Variants in TNC observed in about 807,000 individuals in gnomAD.
TNC encodes tenascin.
In TNC, 109 loss-of-function variants were observed where a neutral mutation model predicts 202.4. The observed-to-expected ratio is 0.54, with a 90% CI of 0.46 to 0.63. The LOEUF is 0.63. Ranked by LOEUF, TNC falls within the 30% of genes least tolerant of loss-of-function variation. The pLI is 0.00. For missense variants in TNC, 2,756 were observed against 2,833.3 expected, an observed-to-expected ratio of 0.97 and a Z score of 0.62; for synonymous variants, 1,007 against 1,089.7, an observed-to-expected ratio of 0.92 and a Z score of 1.50.
chr9:115,068,446 C>T (rs1006782715), intron 10 of TNC, among the ~76,000 whole-genome samples: 6 of 152,184 alleles, frequency 3.9e-5, no homozygotes, highest in African/African-American at 1.4e-4. Flanking sequence ...CTCACTTCAG[C>T]GTCCACTTAG....
At chr9:115,084,925 CAA>C (rs1456426764) in intron 3 of TNC, among the ~76,000 whole-genome samples, 1 of 152,178 alleles carries the variant, frequency 6.6e-6, no homozygotes, top group Admixed American at 6.5e-5. Flanking sequence ...CTCACCTCAT[CAA>C]GTTTAGAACT....
At chr9:115,036,538 A>T (rs1444510710) in intron 20 of TNC, among the ~76,000 whole-genome samples, 3 of 152,148 alleles carry the variant, frequency 2.0e-5, no homozygotes, top group Non-Finnish European at 4.4e-5. Flanking sequence ...TCGCTTTGCC[A>T]CTGAGACCGA....
chr9:115,069,094 T>A (rs1363990224), intron 10 of TNC, among the ~76,000 whole-genome samples: 1 of 152,242 alleles, frequency 6.6e-6, no homozygotes, highest in Non-Finnish European at 1.5e-5. Flanking sequence ...ATTTGCTGGA[T>A]GAATAAATAT....
chr9:115,102,951 C>G (rs1262714843), intron 1 of TNC, among the ~76,000 whole-genome samples: 1 of 152,236 alleles, frequency 6.6e-6, no homozygotes, highest in Admixed American at 6.5e-5. Context: ...AACAAATACT[C>G]TTACTTTCCT....
rs1391099311 is a variant in TNC, at chr9:115,062,929, C to T, written c.4021G>A (p.Glu1341Lys). ...GAGGGTCATATACCTGTGACGACCTCTACAGCAAGGGGTCGAGTGCTGTGG... is the reference window on the plus strand; with the variant it reads ...GAGGGTCATATACCTGTGACGACCTTTACAGCAAGGGGTCGAGTGCTGTGG... The part of the protein sequence containing the change: ...RGHSTRPLAV[E>K]VVTEDLPQLG... The change falls in exon 13 of 28, where the codon GAG (glutamate) becomes AAG (lysine). Residue 1341 changes from glutamate (E) to lysine (K), a missense_variant. Physicochemically the swap from Glu to Lys is moderately conservative, Grantham distance 56. Coordinates refer to ENST00000350763, the MANE Select transcript of TNC (RefSeq NM_002160.4). 6.2e-7 allele frequency: 1 copy of T among 1,613,606 alleles called. No homozygotes were observed.
At chr9:115,084,737 T>A (rs1834580570) in intron 3 of TNC, among the ~76,000 whole-genome samples, 1 of 152,174 alleles carries the variant, frequency 6.6e-6, no homozygotes, top group Non-Finnish European at 1.5e-5. Context: ...CTTTCTGTGC[T>A]TCCTGGGTCT....
At chr9:115,047,067 T>C (rs1171354193) in intron 16 of TNC, among the ~76,000 whole-genome samples, 1 of 152,150 alleles carries the variant, frequency 6.6e-6, no homozygotes, top group Non-Finnish European at 1.5e-5. Flanking sequence ...GCAAGACCTT[T>C]TTCTTTTCTT....
Position 115,059,597 on chromosome 9 carries a change from G to A in TNC, c.4306+133C>T, listed in dbSNP as rs533028439. ...AGTCATAGCCCACAGGGAGGTCTCT[G>A]AGCATGCACAGCCGGCCACTGAAAG... On this transcript the variant is annotated intron_variant, in intron 14 of 27. Transcript: ENST00000350763. The A allele has an allele frequency of 2.4e-4, 222 of 940,736 alleles. 2 individuals are homozygous for A. The highest frequency in any genetic ancestry group is 2.6e-4 in the Non-Finnish European group (166 of 631,094). The allele number at this position is 940,736 out of a possible 1,614,324, so 58.3% of individuals were successfully genotyped here.
At chr9:115,072,730 C>T (rs748038132) in intron 10 of TNC, among the ~76,000 whole-genome samples, 14 of 152,060 alleles carry the variant, frequency 9.2e-5, no homozygotes, top group South Asian at 2.1e-4. Flanking sequence ...AATATCAGTA[C>T]GGTACAATGT....
chr9:115,048,858 A>G (rs2132191371), intron 15 of TNC, among the ~76,000 whole-genome samples: 1 of 152,174 alleles, frequency 6.6e-6, no homozygotes, highest in South Asian at 2.1e-4. Flanking sequence ...TCCAAAGGCC[A>G]TGTAGTTCTT....
At chr9:115,027,215 AT>A (rs1829571860) in intron 25 of TNC, among the ~76,000 whole-genome samples, 2 of 152,162 alleles carry the variant, frequency 1.3e-5, no homozygotes, top group South Asian at 4.2e-4. Context: ...TCGGGTTGAC[AT>A]TTTTGCCCCA....
At chr9:115,023,897 G>T in intron 27 of TNC, 76 bp downstream of exon 27, 5 of 1,501,604 alleles carry the variant, frequency 3.3e-6, no homozygotes, top group Non-Finnish European at 4.6e-6. Flanking sequence ...CTAGGATAGG[G>T]AGTTAAATTG....
At chr9:115,116,532 C>G (rs1052356634) in intron 1 of TNC, among the ~76,000 whole-genome samples, 3 of 152,124 alleles carry the variant, frequency 2.0e-5, no homozygotes, top group Admixed American at 2.0e-4. Context: ...TTCTAAAACA[C>G]ATATGGGAAA....
chr9:115,115,531 G>A (rs1837398298), intron 1 of TNC, among the ~76,000 whole-genome samples: 1 of 152,188 alleles, frequency 6.6e-6, no homozygotes, highest in African/African-American at 2.4e-5. Context: ...TCCCACAAAA[G>A]CCTACAGTTT....
chr9:115,035,165 T>A, intron 22 of TNC, 39 bp downstream of exon 22: 1 of 1,552,512 alleles, frequency 6.4e-7, no homozygotes, highest in Non-Finnish European at 8.7e-7. Flanking sequence ...ATGCAAATGC[T>A]TCAACTAGCA....
At chr9:115,089,743 G>C (rs752291929) in intron 2 of TNC, among the ~76,000 whole-genome samples, 1 of 152,088 alleles carries the variant, frequency 6.6e-6, no homozygotes, top group African/African-American at 2.4e-5. Flanking sequence ...CAGGTGATCC[G>C]CCCGCCTTAG....
chr9:115,104,268 AG>A (rs1836446790), intron 1 of TNC, among the ~76,000 whole-genome samples: 1 of 152,226 alleles, frequency 6.6e-6, no homozygotes, highest in Non-Finnish European at 1.5e-5. Context: ...GAGTTCTCAA[AG>A]TCTTGAGCCA....
In TNC at chr9:115,053,720, A is replaced by C. The variant is rs541844804; in HGVS notation, c.4579+3433T>G. 9.8e-5 allele frequency among the ~76,000 whole-genome samples: 15 copies of C among 152,358 alleles called. No homozygotes were observed. In the East Asian group the frequency reaches 2.7e-3, roughly 27 times the overall value. ...CAAATTAAAGGCTAATACCCATACA[A>C]GAGAAATTTTTACAGTACTTAATAT... On this transcript the variant is annotated intron_variant, in intron 15 of 27. Coordinates refer to ENST00000350763, the MANE Select transcript of TNC (RefSeq NM_002160.4).
At chr9:115,051,369 A>G (rs1831639070) in intron 15 of TNC, among the ~76,000 whole-genome samples, 1 of 152,152 alleles carries the variant, frequency 6.6e-6, no homozygotes, top group African/African-American at 2.4e-5. Flanking sequence ...TACATCTGCT[A>G]GGTGCCTAAG....
Sources: gnomAD v4.1 joint callset for allele counts (sites outside exome capture counted in the v4.1 genomes callset) on GRCh38, gnomAD v4.1.1 for gene constraint, MANE v1.5 for transcripts, NCBI Gene and HGNC (gene_info 2026-07-23, HGNC 2026-07-21) for gene names.